The following TIAM2 variants were observed in gnomAD, a reference collection of about 807,000 sequenced individuals.
TIAM2 encodes TIAM Rac1 associated GEF 2, also known as rho guanine nucleotide exchange factor TIAM2.
Under a neutral mutation model 152.9 loss-of-function variants are expected in TIAM2, and 80 were observed. The ratio of observed to expected loss-of-function variants is 0.52; its 90% CI spans 0.44 to 0.63. The LOEUF (loss-of-function observed/expected upper bound fraction) is 0.63. Among genes scored for constraint, TIAM2 ranks in the 30% least tolerant of loss-of-function variants. The pLI, the probability that TIAM2 is intolerant of heterozygous loss-of-function variation, is 0.00. For synonymous variants in TIAM2, 804 were observed against 838.0 expected (o/e 0.96, Z 0.70); for missense variants, 1,965 against 2,120.1 (o/e 0.93, Z 1.44).
At position 155,257,191 on chromosome 6, in the gene TIAM2, A is replaced by G; in HGVS notation, c.*70A>G. ...AAACTGGTGGTAAAGTGGAAATTGC[A>G]AAAAAAAAAAAAAAAAAAAACTGTT... On this transcript the variant is annotated 3_prime_UTR_variant, in exon 27 of 27. Coordinates refer to ENST00000682666, the MANE Select transcript of TIAM2 (RefSeq NM_012454.4). 6.4e-6 allele frequency: 1 copy of G among 156,678 alleles called. No homozygotes were observed. Among genetic ancestry groups the G allele is most frequent in the South Asian group, 1.6e-4 (1 of 6,408 alleles). 9.7% of individuals were successfully genotyped at this position (156,678 alleles called of 1,614,324 possible).
chr6:155,250,042 C>T, intron 21 of TIAM2, 73 bp downstream of exon 21: 2 of 1,172,582 alleles, frequency 1.7e-6, no homozygotes, highest in Non-Finnish European at 2.4e-6. Flanking sequence ...TCTAGATAGG[C>T]TGCCCTGTTA....
intron 1 of TIAM2, among the ~76,000 whole-genome samples, chr6:155,057,821 C>T (rs1249528483): frequency 6.6e-6 from 1 of 152,058 alleles, no homozygotes; most frequent in African/African-American, 2.4e-5. Context: ...GCTGGGGTTA[C>T]AGGCATGAGC....
In TIAM2 at chr6:155,218,928, T is replaced by C. The variant is rs1441528764; in HGVS notation, c.3168+7621T>C. Among the ~76,000 whole-genome samples, 3 of 132,240 alleles carry C rather than the reference T, an allele frequency of 2.3e-5. No individual in the cohort carries two copies. Among genetic ancestry groups the C allele is most frequent in the Non-Finnish European group, 4.8e-5 (3 of 62,852 alleles). 86.8% of individuals were successfully genotyped at this position (132,240 alleles called of 152,430 possible). On this transcript the variant is annotated intron_variant, in intron 15 of 26. Transcript: ENST00000682666. The surrounding 1 kb of genome is among the most constrained non-coding windows in gnomAD (Gnocchi z 4.5). ...GTTCTTGACCATCTCAGCCGTGTTC[T>C]TGACCATCTCAGCCGCCCACCCGTG...
chr6:155,024,532 TC>T (rs1776560219), intron 1 of TIAM2, among the ~76,000 whole-genome samples: 1 of 152,026 alleles, frequency 6.6e-6, no homozygotes, highest in Admixed American at 6.6e-5. Flanking sequence ...GAGAAGAAGA[TC>T]CTATTCCTAA....
intron 1 of TIAM2, among the ~76,000 whole-genome samples, chr6:155,002,810 A>C (rs1012908009): frequency 1.3e-5 from 2 of 151,324 alleles, no homozygotes; most frequent in African/African-American, 4.8e-5. Context: ...CTTCCCAAGT[A>C]GTTGGGATTA....
chr6:155,055,116 T>C (rs1777413355), intron 1 of TIAM2, among the ~76,000 whole-genome samples: 1 of 152,310 alleles, frequency 6.6e-6, no homozygotes, highest in South Asian at 2.1e-4. Flanking sequence ...TTTTGTGTTA[T>C]AAGAGATTTG....
intron 14 of TIAM2, among the ~76,000 whole-genome samples, chr6:155,189,803 A>C (rs1781151646): frequency 6.6e-6 from 1 of 152,162 alleles, no homozygotes; most frequent in Non-Finnish European, 1.5e-5. Context: ...TACAAGAGCA[A>C]AGGCACCCAG....
At chr6:155,045,373 T>C (rs1777152579) in intron 1 of TIAM2, among the ~76,000 whole-genome samples, 1 of 152,178 alleles carries the variant, frequency 6.6e-6, no homozygotes, top group Admixed American at 6.5e-5. Context: ...AAAGCCCTTT[T>C]TCTATGCTGT....
intron 2 of TIAM2, among the ~76,000 whole-genome samples, chr6:155,094,220 T>G (rs1346897974): frequency 6.6e-6 from 1 of 151,524 alleles, no homozygotes; most frequent in African/African-American, 2.4e-5. Flanking sequence ...GGTGGCCTTT[T>G]GGTTGGGTCA....
chr6:155,127,179 A>T (rs1779314432), intron 2 of TIAM2, among the ~76,000 whole-genome samples: 1 of 152,150 alleles, frequency 6.6e-6, no homozygotes, highest in African/African-American at 2.4e-5. Flanking sequence ...TGAGACTGAG[A>T]GTTGTTTTCC....
At position 155,130,047 on chromosome 6, in the gene TIAM2, C is replaced by T; in HGVS notation, c.824C>T (p.Pro275Leu). 1 of 1,614,072 alleles carries T rather than the reference C, an allele frequency of 6.2e-7. No homozygotes were observed. The highest frequency in any genetic ancestry group is 8.5e-7 in the Non-Finnish European group (1 of 1,180,034). Reference sequence around the variant, plus strand: ...TTCCTGGCCCCCGGCATGCCTGACCCCAGTCTCCATGCCAGCTTCCCACCT... The same window carrying T: ...TTCCTGGCCCCCGGCATGCCTGACCTCAGTCTCCATGCCAGCTTCCCACCT... Reference protein sequence around the residue: ...GSFLAPGMPDPSLHASFPPGD... With the variant: ...GSFLAPGMPDLSLHASFPPGD... Residue 275 changes from proline (P) to leucine (L), a missense_variant, in exon 4 of 27, where the codon CCC becomes CTC. Pro to Leu is a moderately conservative substitution (Grantham distance 98). Transcript: ENST00000682666.
chr6:155,065,397 A>G (rs1172039398), intron 1 of TIAM2, among the ~76,000 whole-genome samples: 4 of 152,144 alleles, frequency 2.6e-5, no homozygotes, highest in Non-Finnish European at 5.9e-5. Context: ...AAGAAAAATA[A>G]CTGTTTTTCT....
intron 15 of TIAM2, among the ~76,000 whole-genome samples, chr6:155,215,022 G>A (rs1184280881): frequency 2.0e-5 from 3 of 152,180 alleles, no homozygotes; most frequent in Admixed American, 6.5e-5. Context: ...AAGTGTGCCT[G>A]TGGGGGCCCT....
chr6:155,135,575 C>T (rs1779537067), intron 4 of TIAM2, among the ~76,000 whole-genome samples: 1 of 152,164 alleles, frequency 6.6e-6, no homozygotes, highest in South Asian at 2.1e-4. Flanking sequence ...CAGTGAAAAG[C>T]CTGTATGCAA....
intron 1 of TIAM2, among the ~76,000 whole-genome samples, chr6:155,088,292 G>T (rs1208284314): frequency 6.6e-6 from 1 of 151,978 alleles, no homozygotes; most frequent in African/African-American, 2.4e-5. Context: ...TGTTGGCCAG[G>T]CTGGTCTCGA....
chr6:155,154,695 G>A (rs1299843958), intron 7 of TIAM2, among the ~76,000 whole-genome samples: 1 of 152,108 alleles, frequency 6.6e-6, no homozygotes, highest in African/African-American at 2.4e-5. Context: ...CATTATGTGC[G>A]ATTTCCAGGG....
chr6:155,051,806 A>G (rs1371039430), intron 1 of TIAM2, among the ~76,000 whole-genome samples: 2 of 151,988 alleles, frequency 1.3e-5, no homozygotes, highest in East Asian at 3.9e-4. Flanking sequence ...TACCACGCCC[A>G]GCTAATTTTT....
chr6:155,248,173 CTGACGGGTGAGG>C lies in TIAM2; in HGVS notation c.3827_3832+6del. 1 of 1,613,374 alleles carries C rather than the reference CTGACGGGTGAGG, an allele frequency of 6.2e-7. No individual in the cohort carries two copies. The highest frequency in any genetic ancestry group is 8.5e-7 in the Non-Finnish European group (1 of 1,179,858). On this transcript the variant is annotated splice_donor_variant and splice_donor_5th_base_variant and coding_sequence_variant and intron_variant, in exon 20 of 27. Transcript: ENST00000682666. LOFTEE classifies it high-confidence loss of function. ...CCAGGAGAGCGAGGAGCACTACCAC[CTGACGGGTGAGG>C]CGGCGGCGGCACCTCCGGGCGAGGG... is the stretch of plus-strand genomic sequence containing the variant.
chr6:155,025,863 C>CAG (rs1776591645), intron 1 of TIAM2, among the ~76,000 whole-genome samples: 1 of 128,470 alleles, frequency 7.8e-6, no homozygotes, highest in African/African-American at 3.0e-5. Context: ...CACACACACA[C>CAG]ACACACACAC....
Sources: gnomAD v4.1 joint callset for allele counts (sites outside exome capture counted in the v4.1 genomes callset) on GRCh38, gnomAD v4.1.1 for gene constraint, Gnocchi (gnomAD v3.1) non-coding constraint, MANE v1.5 for transcripts, NCBI Gene and HGNC (gene_info 2026-07-23, HGNC 2026-07-21) for gene names.